CDC42SE2: variants seen among roughly 807,000 people sequenced by gnomAD.
CDC42SE2 encodes the protein CDC42 small effector protein 2.
In CDC42SE2, 3 loss-of-function variants were observed where a neutral mutation model predicts 11.5. The ratio of observed to expected loss-of-function variants is 0.26; its 90% CI spans 0.12 to 0.67. The LOEUF (loss-of-function observed/expected upper bound fraction) is 0.67. CDC42SE2 is among the 30% of genes least tolerant of loss of function. CDC42SE2 has a pLI of 0.80. For synonymous variants in CDC42SE2, 33 were observed against 34.8 expected (o/e 0.95, Z 0.18); for missense variants, 82 against 106.8 (o/e 0.77, Z 1.02).
At chr5:131,248,045 A>G (rs1416565081) in intron 1 of CDC42SE2, among the ~76,000 whole-genome samples, 1 of 152,130 alleles carries the variant, frequency 6.6e-6, no homozygotes, top group African/African-American at 2.4e-5. Context: ...AATAGATGGA[A>G]ACTTCCTTAA....
chr5:131,318,217 G>A (rs928773563), intron 2 of CDC42SE2, among the ~76,000 whole-genome samples: 1 of 152,326 alleles, frequency 6.6e-6, no homozygotes, highest in Non-Finnish European at 1.5e-5. Context: ...GGAACTGAAG[G>A]TGTGAGCCAC....
chr5:131,359,992 C>T (rs1176818726), intron 3 of CDC42SE2, among the ~76,000 whole-genome samples: 2 of 152,094 alleles, frequency 1.3e-5, no homozygotes, highest in Non-Finnish European at 2.9e-5. Context: ...GAAACAGGTT[C>T]AGTTTTTTGC....
At chr5:131,340,307 A>G (rs943561151) in intron 2 of CDC42SE2, among the ~76,000 whole-genome samples, 3 of 152,198 alleles carry the variant, frequency 2.0e-5, no homozygotes, top group Non-Finnish European at 4.4e-5. Flanking sequence ...TTGAACCGTC[A>G]TGCTGTGTCT....
chr5:131,381,616 T>C lies in CDC42SE2; in HGVS notation c.55-3927T>C, dbSNP rs570879597. On this transcript the variant is annotated intron_variant, in intron 3 of 4. Coordinates refer to ENST00000505065, the MANE Select transcript of CDC42SE2 (RefSeq NM_001375635.1). ...GGGATTACAGGCGTGAGCCACCACA[T>C]CCGGCCCAAATGCTGTTGATTTTAT... Among the ~76,000 whole-genome samples, 11 of 152,294 alleles carry C rather than the reference T, an allele frequency of 7.2e-5. No individual in the cohort carries two copies. The East Asian group carries it at 7.7e-4, about 11-fold the overall frequency.
chr5:131,313,902 A>C (rs1269665985), intron 1 of CDC42SE2, among the ~76,000 whole-genome samples: 2 of 152,114 alleles, frequency 1.3e-5, no homozygotes, highest in Non-Finnish European at 2.9e-5. Context: ...ATCTTGGCTC[A>C]CTGCAACCTC....
rs573775555 is a variant in CDC42SE2, at chr5:131,282,811, A to C, written c.-455+18645A>C. Among the ~76,000 whole-genome samples the C allele has an allele frequency of 2.7e-5, 4 of 150,590 alleles. No homozygotes were observed. In the South Asian group the frequency reaches 8.4e-4, roughly 32 times the overall value. The stretch of plus-strand genomic sequence containing the variant: ...GCCTGGCTAATGTTTTTGTATTTTT[A>C]GTAGAGACGGGGTTTCACCATATTA... On this transcript the variant is annotated intron_variant, in intron 1 of 4. Transcript: ENST00000505065.
intron 1 of CDC42SE2, among the ~76,000 whole-genome samples, chr5:131,272,424 A>C (rs1478529669): frequency 6.6e-6 from 1 of 152,054 alleles, no homozygotes; most frequent in Non-Finnish European, 1.5e-5. Flanking sequence ...CTTCATTTTC[A>C]GCTCATGACC....
the CDC42SE2 span, among the ~76,000 whole-genome samples, chr5:131,216,191 TA>T: frequency 1.3e-5 from 2 of 152,164 alleles, no homozygotes; most frequent in Non-Finnish European, 2.9e-5. Flanking sequence ...AGTCATAGTC[TA>T]GGCCCAGCAC....
At chr5:131,312,649 G>GT (rs1372174651) in intron 1 of CDC42SE2, among the ~76,000 whole-genome samples, 1 of 152,210 alleles carries the variant, frequency 6.6e-6, no homozygotes, top group Non-Finnish European at 1.5e-5. Flanking sequence ...GTGGTGCGCT[G>GT]TTTTTTAAGC....
At chr5:131,253,263 T>C (rs917151105) in intron 1 of CDC42SE2, 2 of 152,174 alleles carry the variant, frequency 1.3e-5, no homozygotes. Flanking sequence ...TCAGAGGTAG[T>C]ATGAGGTGAA....
At chr5:131,333,977 C>T (rs908799466) in intron 2 of CDC42SE2, among the ~76,000 whole-genome samples, 1 of 152,132 alleles carries the variant, frequency 6.6e-6, no homozygotes, top group African/African-American at 2.4e-5. Flanking sequence ...CCTGATTGCC[C>T]TTGCCAGAAC....
intron 3 of CDC42SE2, among the ~76,000 whole-genome samples, chr5:131,361,694 G>A (rs952433537): frequency 6.6e-6 from 1 of 152,116 alleles, no homozygotes; most frequent in African/African-American, 2.4e-5. Flanking sequence ...GAGAAGGAGT[G>A]CAAAGTTTTA....
chr5:131,384,917 A>C (rs1449837913), intron 3 of CDC42SE2, among the ~76,000 whole-genome samples: 1 of 150,822 alleles, frequency 6.6e-6, no homozygotes, highest in African/African-American at 2.4e-5. Flanking sequence ...CCATCTCAAA[A>C]AAAAAAAAAA....
intron 2 of CDC42SE2, among the ~76,000 whole-genome samples, chr5:131,323,735 T>C (rs916313107): frequency 1.3e-5 from 2 of 152,160 alleles, no homozygotes; most frequent in Non-Finnish European, 2.9e-5. Flanking sequence ...TGTGTTTTAA[T>C]GAAAAACTCT....
At chr5:131,312,207 G>C (rs576949666) in intron 1 of CDC42SE2, among the ~76,000 whole-genome samples, 1 of 151,858 alleles carries the variant, frequency 6.6e-6, no homozygotes, top group Admixed American at 6.6e-5. Context: ...CTTGCTGTGT[G>C]AGGTGTCAGT....
intron 2 of CDC42SE2, among the ~76,000 whole-genome samples, 183 bp from the exon 3 acceptor site, chr5:131,359,026 A>T (rs1749633627): frequency 1.3e-5 from 2 of 152,190 alleles, no homozygotes; most frequent in Non-Finnish European, 2.9e-5. Flanking sequence ...TTTTACTACT[A>T]CACCTAGAAC....
At chr5:131,265,410 T>C (rs1404769215) in intron 1 of CDC42SE2, among the ~76,000 whole-genome samples, 1 of 152,152 alleles carries the variant, frequency 6.6e-6, no homozygotes, top group Non-Finnish European at 1.5e-5. Flanking sequence ...GACTGTGGTA[T>C]GGTCTTGCTG....
chr5:131,370,358 A>G (rs759030619), intron 3 of CDC42SE2, among the ~76,000 whole-genome samples: 3 of 152,134 alleles, frequency 2.0e-5, no homozygotes, highest in Admixed American at 6.5e-5. Flanking sequence ...TTTTTTTTCT[A>G]TATGCCCATT....
chr5:131,217,500 A>T, the CDC42SE2 span, among the ~76,000 whole-genome samples: 1 of 152,244 alleles, frequency 6.6e-6, no homozygotes, highest in South Asian at 2.1e-4. Context: ...TTATCTTTTC[A>T]ACAAACAGTA....
Sources: gnomAD v4.1 joint callset for allele counts (sites outside exome capture counted in the v4.1 genomes callset) on GRCh38, gnomAD v4.1.1 for gene constraint, MANE v1.5 for transcripts, NCBI Gene and HGNC (gene_info 2026-07-23, HGNC 2026-07-21) for gene names.